Variants in RALGAPB observed in about 807,000 individuals in gnomAD.
The protein encoded by RALGAPB is Ral GTPase activating protein non-catalytic subunit beta.
Under a neutral mutation model 161.1 loss-of-function variants are expected in RALGAPB, and 25 were observed. That is an observed-to-expected ratio of 0.16 (90% CI 0.11 to 0.22). The LOEUF (loss-of-function observed/expected upper bound fraction) is 0.22, where lower values mean the gene tolerates loss of function less well. Ranked by LOEUF, RALGAPB falls within the 10% of genes least tolerant of loss-of-function variation. RALGAPB has a pLI of 1.00. For synonymous variants in RALGAPB, 629 were observed against 626.1 expected, an observed-to-expected ratio of 1.00 and a Z score of -0.07; for missense variants, 1,391 against 1,815.2, an observed-to-expected ratio of 0.77 and a Z score of 4.25.
intron 18 of RALGAPB, among the ~76,000 whole-genome samples, 170 bp downstream of exon 18, chr20:38,541,362 G>A (rs902010193): frequency 6.6e-6 from 1 of 150,764 alleles, no homozygotes; most frequent in Non-Finnish European, 1.5e-5. Flanking sequence ...TTTTTTTTAC[G>A]TGTTTTGTAG....
rs949838759 is a variant in RALGAPB at position 38,472,881 on chromosome 20, C to T, written c.-219C>T. Reference sequence around the variant, plus strand: ...CTGAGCAGATCCCAGCCGGCTGGCTCGAGTGGCCTTCGTCGTCCCTTGGCG... The same window carrying T: ...CTGAGCAGATCCCAGCCGGCTGGCTTGAGTGGCCTTCGTCGTCCCTTGGCG... On this transcript the variant is annotated 5_prime_UTR_variant, in exon 1 of 30. Coordinates refer to ENST00000262879, the MANE Select transcript of RALGAPB (RefSeq NM_020336.4). 7.5e-6 allele frequency: 3 copies of T among 398,852 alleles called. No individual in the cohort carries two copies. The highest frequency in any genetic ancestry group is 1.3e-5 in the Non-Finnish European group (3 of 226,008). The allele number at this position is 398,852 out of a possible 1,614,324, so 24.7% of individuals were successfully genotyped here. A position where few individuals can be genotyped will look rare whatever the true frequency, so the allele number is the denominator to read the frequency against.
intron 14 of RALGAPB, among the ~76,000 whole-genome samples, chr20:38,531,742 A>C (rs1034037453): frequency 1.3e-5 from 2 of 152,170 alleles, no homozygotes; most frequent in Non-Finnish European, 2.9e-5. Context: ...AGGCAAGACA[A>C]TGGAGGGGTT....
At chr20:38,512,871 TG>T (rs1322978342) in intron 6 of RALGAPB, among the ~76,000 whole-genome samples, 1 of 152,196 alleles carries the variant, frequency 6.6e-6, no homozygotes, top group African/African-American at 2.4e-5. Flanking sequence ...GCCATTCTTC[TG>T]CCTCAGCCTC....
chr20:38,564,889 C>T (rs2087931563), intron 24 of RALGAPB, among the ~76,000 whole-genome samples: 1 of 151,612 alleles, frequency 6.6e-6, no homozygotes, highest in Admixed American at 6.6e-5. Flanking sequence ...CCTCTTCCTC[C>T]TCCTCTTTTC....
intron 22 of RALGAPB, among the ~76,000 whole-genome samples, chr20:38,557,489 C>G (rs2087626405): frequency 6.6e-6 from 1 of 152,152 alleles, no homozygotes; most frequent in Non-Finnish European, 1.5e-5. Context: ...CCTAAAAATC[C>G]CCTGTACTCC....
intron 18 of RALGAPB, among the ~76,000 whole-genome samples, chr20:38,544,263 C>G (rs1394877237): frequency 2.6e-5 from 4 of 152,050 alleles, no homozygotes; most frequent in African/African-American, 9.7e-5. Context: ...TACATTTGAT[C>G]GTTAAATCCT....
chr20:38,487,197 T>A (rs747540255), intron 1 of RALGAPB, among the ~76,000 whole-genome samples: 35 of 152,168 alleles, frequency 2.3e-4, no homozygotes, highest in Non-Finnish European at 4.9e-4. Context: ...AAGAAAGGAT[T>A]TGCTGGGCTT....
chr20:38,486,448 C>A (rs1300654924), intron 1 of RALGAPB, among the ~76,000 whole-genome samples: 4 of 152,100 alleles, frequency 2.6e-5, no homozygotes, highest in Admixed American at 6.6e-5. Flanking sequence ...AAGGTATACT[C>A]CTCTCTTCAG....
At chr20:38,568,021 G>A (rs1345217094) in intron 26 of RALGAPB, among the ~76,000 whole-genome samples, 5 of 152,188 alleles carry the variant, frequency 3.3e-5, no homozygotes, top group African/African-American at 1.2e-4. Context: ...ACAGTTTAGA[G>A]ATGATCAGTC....
rs188540457 is a variant in RALGAPB at position 38,553,530 on chromosome 20, T to C, written c.3163-337T>C. On this transcript the variant is annotated intron_variant, in intron 21 of 29. Coordinates refer to ENST00000262879, the MANE Select transcript of RALGAPB (RefSeq NM_020336.4). ...TATAGGGAAGTTTTTTTGGCATTTG[T>C]TTTAACCTTGGACCATGTTTGCTTA... is the stretch of plus-strand genomic sequence containing the variant. 2.2e-3 allele frequency among the ~76,000 whole-genome samples: 329 copies of C among 152,260 alleles called. 1 individual carries two copies. The highest frequency in any genetic ancestry group is 2.7e-3 in the Non-Finnish European group (182 of 68,022).
At chr20:38,506,391 T>C (rs1276167803) in intron 5 of RALGAPB, among the ~76,000 whole-genome samples, 1 of 152,058 alleles carries the variant, frequency 6.6e-6, no homozygotes, top group Non-Finnish European at 1.5e-5. Flanking sequence ...TCTCTTAGGC[T>C]CAAGTGATCC....
chr20:38,488,668 T>A, intron 2 of RALGAPB, 50 bp downstream of exon 2: 1 of 1,525,312 alleles, frequency 6.6e-7, no homozygotes, highest in Non-Finnish European at 8.9e-7. Flanking sequence ...ACATTTGTTC[T>A]TGAAGAATTT....
chr20:38,555,116 C>G (rs1047033424), intron 22 of RALGAPB, among the ~76,000 whole-genome samples: 2 of 152,144 alleles, frequency 1.3e-5, no homozygotes, highest in African/African-American at 4.8e-5. Flanking sequence ...ACAAGTGATG[C>G]AATTCCTGTT....
intron 19 of RALGAPB, chr20:38,548,136 T>C (rs1450953546): frequency 6.6e-6 from 1 of 152,180 alleles, no homozygotes; most frequent in African/African-American, 2.4e-5. Context: ...ACTCGGGAAG[T>C]CCATCCTGAG....
At chr20:38,480,417 C>A (rs1268211082) in intron 1 of RALGAPB, among the ~76,000 whole-genome samples, 2 of 133,192 alleles carry the variant, frequency 1.5e-5, no homozygotes, top group African/African-American at 6.1e-5. Context: ...GATGGAGTCT[C>A]GCTCTGTCAC....
chr20:38,512,861 G>A (rs1238755922), intron 6 of RALGAPB, among the ~76,000 whole-genome samples: 1 of 152,144 alleles, frequency 6.6e-6, no homozygotes, highest in Non-Finnish European at 1.5e-5. Flanking sequence ...CTGGGTTCAC[G>A]CCATTCTTCT....
Position 38,565,369 on chromosome 20 carries a change from C to T in RALGAPB, c.3708C>T (p.Ser1236=), listed in dbSNP as rs755033534. The part of the protein sequence containing the change: ...DGEGSQQEVI[S]SEDIGASIFN... The stretch of plus-strand genomic sequence containing the variant: ...TCTTTTTCCCAGAAGAAGTGATTTC[C>T]TCTGAAGATATTGGAGCTAGCATTT... The change falls in exon 25 of 30, where the codon TCC becomes TCT. Residue 1236 remains serine, a synonymous_variant. Coordinates refer to ENST00000262879, the MANE Select transcript of RALGAPB (RefSeq NM_020336.4). 4.3e-6 allele frequency: 7 copies of T among 1,613,284 alleles called. No individual in the cohort carries two copies. The highest frequency in any genetic ancestry group is 5.9e-6 in the Non-Finnish European group (7 of 1,179,542).
chr20:38,510,131 TACAC>T (rs34759480), intron 6 of RALGAPB, among the ~76,000 whole-genome samples: 8,422 of 145,816 alleles, frequency 0.058, 267 homozygotes, highest in East Asian at 0.12. Context: ...CACACGCACA[TACAC>T]ACACACACAC....
At chr20:38,516,418 A>G in intron 7 of RALGAPB, 48 bp downstream of exon 7, 2 of 1,538,720 alleles carry the variant, frequency 1.3e-6, no homozygotes, top group Non-Finnish European at 1.8e-6. Flanking sequence ...TCATTTAGAT[A>G]ACTCTAGAGG....
Sources: gnomAD v4.1 joint callset for allele counts (sites outside exome capture counted in the v4.1 genomes callset) on GRCh38, gnomAD v4.1.1 for gene constraint, MANE v1.5 for transcripts, NCBI Gene and HGNC (gene_info 2026-07-23, HGNC 2026-07-21) for gene names.